Variants in KHDRBS2 observed in about 807,000 individuals in gnomAD.
KHDRBS2 encodes KH RNA binding domain containing, signal transduction associated 2, also known as KH domain-containing, RNA-binding, signal transduction-associated protein 2.
A neutral mutation model predicts 44.3 loss-of-function variants in KHDRBS2; 26 were observed. That is an observed-to-expected ratio of 0.59 (90% CI 0.43 to 0.81). The LOEUF (loss-of-function observed/expected upper bound fraction) is 0.81. Among genes scored for constraint, KHDRBS2 ranks in the 40% least tolerant of loss-of-function variants. KHDRBS2 has a pLI of 0.00. For missense variants in KHDRBS2, 476 were observed against 433.1 expected, an observed-to-expected ratio of 1.10 and a Z score of -0.88; for synonymous variants, 194 against 151.1, an observed-to-expected ratio of 1.28 and a Z score of -2.08.
chr6:61,927,621 C>T (rs1809224625), intron 4 of KHDRBS2, among the ~76,000 whole-genome samples: 1 of 152,066 alleles, frequency 6.6e-6, no homozygotes, highest in South Asian at 2.1e-4. Context: ...ACTGATTGCC[C>T]AAACTCCCCA....
the KHDRBS2 span, among the ~76,000 whole-genome samples, chr6:61,653,818 A>C: frequency 6.6e-6 from 1 of 152,036 alleles, no homozygotes; most frequent in Admixed American, 6.6e-5. Flanking sequence ...GGGAAGAAGG[A>C]GCAGTGTAAT....
At position 61,954,426 on chromosome 6, in the gene KHDRBS2, TGTATGCATGCATACATATATAC is replaced by T. The variant is rs1342497250; in HGVS notation, c.483+23618_483+23639del. The stretch of plus-strand genomic sequence containing the variant: ...GTATGCATGCATACATATATACGTA[TGTATGCATGCATACATATATAC>T]GTATGTATGTATGTATACGTATGTG... On this transcript the variant is annotated intron_variant, in intron 4 of 8. Coordinates refer to ENST00000281156, the MANE Select transcript of KHDRBS2 (RefSeq NM_152688.4). Among the ~76,000 whole-genome samples, 3 of 142,788 alleles carry T rather than the reference TGTATGCATGCATACATATATAC, an allele frequency of 2.1e-5. 1 individual carries two copies. The highest frequency in any genetic ancestry group is 2.1e-4 in the East Asian group (1 of 4,864). The allele number at this position is 142,788 out of a possible 152,430, so 93.7% of individuals were successfully genotyped here.
chr6:61,557,084 G>A, the KHDRBS2 span, among the ~76,000 whole-genome samples: 1 of 151,860 alleles, frequency 6.6e-6, no homozygotes, highest in South Asian at 2.1e-4. Flanking sequence ...AAATACTTTT[G>A]CCCTCATGTA....
At chr6:61,861,795 T>A (rs1797018971) in intron 6 of KHDRBS2, among the ~76,000 whole-genome samples, 1 of 152,000 alleles carries the variant, frequency 6.6e-6, no homozygotes, top group African/African-American at 2.4e-5. Context: ...TCCACAAATT[T>A]CTTTGGGAAG....
chr6:61,819,797 A>AT (rs1789590591), intron 6 of KHDRBS2, among the ~76,000 whole-genome samples: 1 of 152,074 alleles, frequency 6.6e-6, no homozygotes, highest in African/African-American at 2.4e-5. Flanking sequence ...ATGAGGCAAG[A>AT]TAAGTCTGAA....
chr6:62,255,066 G>A (rs773083271), intron 1 of KHDRBS2, among the ~76,000 whole-genome samples: 2 of 152,008 alleles, frequency 1.3e-5, no homozygotes, highest in Non-Finnish European at 2.9e-5. Flanking sequence ...CTCTGCTCAA[G>A]ATCATGCAAA....
At chr6:61,650,620 T>A in the KHDRBS2 span, among the ~76,000 whole-genome samples, 89,374 of 149,454 alleles carry the variant, frequency 0.6, 26,603 homozygotes, top group Non-Finnish European at 0.62. Flanking sequence ...TTTTTTTTTT[T>A]AATTAGGCCA....
chr6:61,920,033 A>T (rs1398588419), intron 4 of KHDRBS2, among the ~76,000 whole-genome samples: 2 of 152,012 alleles, frequency 1.3e-5, no homozygotes, highest in Non-Finnish European at 2.9e-5. Context: ...CTTAAAGTAG[A>T]TAAAACGCAT....
chr6:61,859,030 G>A (rs573633478), intron 6 of KHDRBS2, among the ~76,000 whole-genome samples: 5 of 151,898 alleles, frequency 3.3e-5, no homozygotes, highest in Admixed American at 1.3e-4. Flanking sequence ...TTCGGTGAAA[G>A]CTCTTTTACA....
chr6:61,664,668 C>T, the KHDRBS2 span, among the ~76,000 whole-genome samples: 1 of 151,650 alleles, frequency 6.6e-6, no homozygotes, highest in Non-Finnish European at 1.5e-5. Context: ...TAACTTCCTG[C>T]TAAGAACACA....
At chr6:62,018,199 A>G (rs1200023197) in intron 3 of KHDRBS2, among the ~76,000 whole-genome samples, 1 of 150,734 alleles carries the variant, frequency 6.6e-6, no homozygotes, top group African/African-American at 2.4e-5. Context: ...ATACAAATAT[A>G]AAAATATACA....
chr6:61,553,978 T>A, the KHDRBS2 span, among the ~76,000 whole-genome samples: 2 of 152,192 alleles, frequency 1.3e-5, no homozygotes, highest in Non-Finnish European at 2.9e-5. Context: ...TATATTCTCT[T>A]GTCTGTGGGT....
the KHDRBS2 span, among the ~76,000 whole-genome samples, chr6:61,638,180 A>G: frequency 6.6e-6 from 1 of 152,086 alleles, no homozygotes; most frequent in Non-Finnish European, 1.5e-5. Context: ...TGGAACCAAA[A>G]AAGAGCCCGC....
intron 2 of KHDRBS2, among the ~76,000 whole-genome samples, chr6:62,050,627 T>G (rs937434164): frequency 1.3e-5 from 2 of 151,716 alleles, no homozygotes; most frequent in African/African-American, 4.8e-5. Flanking sequence ...CCAGAATGGC[T>G]AAAACTAAAG....
At chr6:61,843,468 C>A (rs1209111915) in intron 6 of KHDRBS2, among the ~76,000 whole-genome samples, 1 of 151,530 alleles carries the variant, frequency 6.6e-6, no homozygotes, top group Non-Finnish European at 1.5e-5. Flanking sequence ...AGCCATTCTC[C>A]TTGAACTACT....
At chr6:62,074,261 T>A (rs1387850614) in intron 2 of KHDRBS2, among the ~76,000 whole-genome samples, 1 of 151,882 alleles carries the variant, frequency 6.6e-6, no homozygotes, top group East Asian at 1.9e-4. Context: ...AATTGTGAGA[T>A]AATAAATGTG....
chr6:62,103,641 A>G (rs939120022), intron 2 of KHDRBS2, among the ~76,000 whole-genome samples: 1 of 148,228 alleles, frequency 6.7e-6, no homozygotes, highest in Non-Finnish European at 1.5e-5. Flanking sequence ...TTCCACCCCA[A>G]CAATGGGGCT....
intron 2 of KHDRBS2, among the ~76,000 whole-genome samples, chr6:62,097,870 T>A (rs1186366006): frequency 2.0e-5 from 3 of 152,146 alleles, no homozygotes; most frequent in Non-Finnish European, 4.4e-5. Context: ...TGTTTGCTTT[T>A]TATTTTTAGT....
chr6:61,836,544 A>C (rs1208833804), intron 6 of KHDRBS2, among the ~76,000 whole-genome samples: 1 of 152,038 alleles, frequency 6.6e-6, no homozygotes, highest in Non-Finnish European at 1.5e-5. Flanking sequence ...AATAAGAAAA[A>C]TGTGCCTGCA....
Sources: allele counts gnomAD v4.1 joint callset (sites outside exome capture counted in the v4.1 genomes callset), GRCh38; gene constraint gnomAD v4.1.1; transcripts MANE v1.5; gene names NCBI Gene and HGNC (gene_info 2026-07-23, HGNC 2026-07-21).